Variants in ENTREP2 observed in about 807,000 individuals in gnomAD.
ENTREP2 encodes protein ENTREP2.
chr15:29,131,931 G>C, the ENTREP2 span, among the ~76,000 whole-genome samples: 1 of 14,636 alleles, frequency 6.8e-5, no homozygotes, highest in Admixed American at 1.1e-3. Context: ...ACAGGAAAGA[G>C]AATGGCATCT....
chr15:29,578,351 G>C, the ENTREP2 span, among the ~76,000 whole-genome samples: 1 of 152,186 alleles, frequency 6.6e-6, no homozygotes, highest in Non-Finnish European at 1.5e-5. Context: ...AGCAGTGACT[G>C]GAAAAGATAT....
At chr15:29,137,112 T>A in the ENTREP2 span, 4 of 1,470,396 alleles carry the variant, frequency 2.7e-6, no homozygotes, top group Non-Finnish European at 2.7e-6. Context: ...GATGAACTCG[T>A]CGAAATCCAG....
chr15:29,252,549 C>T, the ENTREP2 span: 2 of 788,966 alleles, frequency 2.5e-6, no homozygotes, highest in Admixed American at 2.4e-5. Context: ...CATGGCTTTA[C>T]AACAGCTTTC....
At chr15:29,160,410 G>A in the ENTREP2 span, among the ~76,000 whole-genome samples, 2 of 152,088 alleles carry the variant, frequency 1.3e-5, no homozygotes, top group Non-Finnish European at 2.9e-5. Context: ...AGGGAAGGCT[G>A]CGAGGACTGC....
At chr15:29,151,193 C>T in the ENTREP2 span, among the ~76,000 whole-genome samples, 6 of 152,164 alleles carry the variant, frequency 3.9e-5, no homozygotes, top group Non-Finnish European at 7.3e-5. Context: ...CTCCGGGCCT[C>T]CTCGCTGCCC....
chr15:29,516,853 G>T, the ENTREP2 span, among the ~76,000 whole-genome samples: 3 of 151,236 alleles, frequency 2.0e-5, no homozygotes, highest in Non-Finnish European at 4.4e-5. Context: ...GAGGAGGGTG[G>T]TTCTCTGGGG....
the ENTREP2 span, among the ~76,000 whole-genome samples, chr15:29,164,119 A>C: frequency 6.6e-6 from 1 of 152,230 alleles, no homozygotes; most frequent in African/African-American, 2.4e-5. Context: ...AAATGCTGAG[A>C]GAATTCGTCA....
chr15:29,238,010 T>C, the ENTREP2 span, among the ~76,000 whole-genome samples: 464 of 152,338 alleles, frequency 3.0e-3, 3 homozygotes, highest in African/African-American at 0.011. Context: ...TATGGAATAT[T>C]ATTCAGACAT....
At chr15:29,642,980 C>T in the ENTREP2 span, among the ~76,000 whole-genome samples, 7,052 of 152,152 alleles carry the variant, frequency 0.046, 187 homozygotes, top group South Asian at 0.066. Context: ...TTAAATTGAA[C>T]CCCTACCTCA....
chr15:29,424,855 C>A, the ENTREP2 span, among the ~76,000 whole-genome samples: 1 of 152,174 alleles, frequency 6.6e-6, no homozygotes, highest in African/African-American at 2.4e-5. Flanking sequence ...GACCAGCAAG[C>A]CTTATCATGT....
the ENTREP2 span, among the ~76,000 whole-genome samples, chr15:29,526,638 A>AT: frequency 2.5e-4 from 36 of 146,352 alleles, no homozygotes; most frequent in Middle Eastern, 3.6e-3. Context: ...CTATAAAAAA[A>AT]TTTTTTTTTT....
the ENTREP2 span, among the ~76,000 whole-genome samples, chr15:29,326,548 C>G: frequency 6.6e-6 from 1 of 151,920 alleles, no homozygotes; most frequent in Non-Finnish European, 1.5e-5. Context: ...CTAGAAAACT[C>G]AAATGAAAGA....
At chr15:29,578,830 T>G in the ENTREP2 span, among the ~76,000 whole-genome samples, 1 of 152,190 alleles carries the variant, frequency 6.6e-6, no homozygotes, top group Non-Finnish European at 1.5e-5. Context: ...TTGAAGTTTT[T>G]AACACTTCTG....
chr15:29,324,159 G>A, the ENTREP2 span, among the ~76,000 whole-genome samples: 1 of 152,040 alleles, frequency 6.6e-6, no homozygotes, highest in Non-Finnish European at 1.5e-5. Context: ...AGAGTGCAGT[G>A]GCACGATCAT....
chr15:29,260,234 G>T, the ENTREP2 span, among the ~76,000 whole-genome samples: 3 of 152,108 alleles, frequency 2.0e-5, no homozygotes, highest in Non-Finnish European at 2.9e-5. Context: ...ATTTCATGAG[G>T]CAGGATTACC....
At chr15:29,451,498 G>A in the ENTREP2 span, among the ~76,000 whole-genome samples, 2 of 152,230 alleles carry the variant, frequency 1.3e-5, no homozygotes, top group South Asian at 4.1e-4. Context: ...GGCTGAGAGG[G>A]GCCAGTCACA....
At chr15:29,347,512 T>A in the ENTREP2 span, among the ~76,000 whole-genome samples, 1 of 152,110 alleles carries the variant, frequency 6.6e-6, no homozygotes, top group East Asian at 1.9e-4. Context: ...CTTTTCACTA[T>A]TTTTTCTACA....
chr15:29,204,166 G>A, the ENTREP2 span, among the ~76,000 whole-genome samples: 2 of 152,112 alleles, frequency 1.3e-5, no homozygotes, highest in South Asian at 4.1e-4. Flanking sequence ...CAGTGTTCGG[G>A]TCATTGGGAA....
the ENTREP2 span, among the ~76,000 whole-genome samples, chr15:29,206,446 C>A: frequency 1.3e-5 from 2 of 152,250 alleles, no homozygotes; most frequent in East Asian, 1.9e-4. Context: ...ATGCTCAAGG[C>A]ACTTAAAGGC....
Sources: allele counts gnomAD v4.1 joint callset (sites outside exome capture counted in the v4.1 genomes callset), GRCh38; gene constraint gnomAD v4.1.1; transcripts MANE v1.5; gene names NCBI Gene and HGNC (gene_info 2026-07-23, HGNC 2026-07-21).